ELP3: variants seen among roughly 807,000 people sequenced by gnomAD.
The protein encoded by ELP3 is elongator acetyltransferase complex subunit 3.
A neutral mutation model predicts 74.9 loss-of-function variants in ELP3; 56 were observed. The ratio of observed to expected loss-of-function variants is 0.75; its 90% CI spans 0.60 to 0.93. The LOEUF (loss-of-function observed/expected upper bound fraction) is 0.93. Among genes scored for constraint, ELP3 ranks in the 40% least tolerant of loss-of-function variants. ELP3 has a pLI of 0.00. For missense variants in ELP3, 573 were observed against 686.5 expected, an observed-to-expected ratio of 0.83 and a Z score of 1.85; for synonymous variants, 222 against 239.8, an observed-to-expected ratio of 0.93 and a Z score of 0.68.
chr8:28,122,564 T>A (rs1812415632), intron 7 of ELP3, among the ~76,000 whole-genome samples: 1 of 152,254 alleles, frequency 6.6e-6, no homozygotes, highest in African/African-American at 2.4e-5. Flanking sequence ...TTCATTCATT[T>A]TGTCAAACAT....
At chr8:28,171,165 G>C (rs80059511) in intron 14 of ELP3, among the ~76,000 whole-genome samples, 13,006 of 152,102 alleles carry the variant, frequency 0.086, 1,031 homozygotes, top group East Asian at 0.33. Context: ...ACCTGTTTGA[G>C]TTCTGCTTTC....
intron 14 of ELP3, among the ~76,000 whole-genome samples, chr8:28,174,290 A>G (rs1585747342): frequency 6.6e-6 from 1 of 152,114 alleles, no homozygotes; most frequent in East Asian, 1.9e-4. Context: ...TTAGGTGCAT[A>G]TATGTTGATA....
chr8:28,098,366 T>A (rs1456672131), intron 2 of ELP3, among the ~76,000 whole-genome samples: 1 of 152,226 alleles, frequency 6.6e-6, no homozygotes, highest in East Asian at 1.9e-4. Context: ...TACCCCTTCC[T>A]TGAATCCTCA....
At chr8:28,150,815 G>T (rs1023119469) in intron 10 of ELP3, among the ~76,000 whole-genome samples, 1 of 152,006 alleles carries the variant, frequency 6.6e-6, no homozygotes, top group East Asian at 1.9e-4. Context: ...ATATTATTTT[G>T]TTTCTTCTCT....
chr8:28,142,335 A>C (rs1010435907), intron 10 of ELP3, among the ~76,000 whole-genome samples: 6 of 152,164 alleles, frequency 3.9e-5, no homozygotes, highest in African/African-American at 1.4e-4. Context: ...TATCCTATGG[A>C]GAATTGGCCC....
At chr8:28,126,012 AT>A (rs945039824) in intron 7 of ELP3, among the ~76,000 whole-genome samples, 6 of 151,178 alleles carry the variant, frequency 4.0e-5, no homozygotes, top group African/African-American at 9.7e-5. Flanking sequence ...CAAATTTGTA[AT>A]TTTTTTTTAA....
intron 10 of ELP3, among the ~76,000 whole-genome samples, chr8:28,144,334 G>A (rs957280126): frequency 7.9e-5 from 12 of 152,188 alleles, no homozygotes; most frequent in Non-Finnish European, 1.5e-4. Context: ...ATTCGGCCAG[G>A]CACAGTGGCT....
chr8:28,113,141 A>G lies in ELP3; in HGVS notation c.585A>G (p.Gly195=), dbSNP rs1811987589. Residue 195 remains glycine, a synonymous_variant, in exon 7 of 15, where the codon GGA becomes GGG. Transcript: ENST00000256398. ...FIRNLHDALS[G]HTSNNIYEAV... is the part of the protein sequence containing the mutation. The stretch of plus-strand genomic sequence containing the variant: ...GAAATTTACATGATGCCTTATCAGG[A>G]CATACTTCCAACAATATTTACGAGG... 7 of 1,613,550 alleles carry G rather than the reference A, an allele frequency of 4.3e-6. No homozygotes were observed. In the East Asian group the frequency reaches 1.6e-4, roughly 36 times the overall value.
chr8:28,122,906 C>A (rs1435382548), intron 7 of ELP3, among the ~76,000 whole-genome samples: 1 of 152,174 alleles, frequency 6.6e-6, no homozygotes, highest in African/African-American at 2.4e-5. Flanking sequence ...GGCGGATCAC[C>A]TGAGGTCAGG....
intron 14 of ELP3, among the ~76,000 whole-genome samples, chr8:28,170,653 C>T (rs976224566): frequency 6.6e-6 from 1 of 152,148 alleles, no homozygotes; most frequent in Admixed American, 6.5e-5. Context: ...CCCTTAAATA[C>T]TTATTTTCCC....
intron 11 of ELP3, among the ~76,000 whole-genome samples, chr8:28,156,371 T>C (rs1813829056): frequency 6.6e-6 from 1 of 152,174 alleles, no homozygotes; most frequent in South Asian, 2.1e-4. Context: ...GAAAGTATAA[T>C]CATTTGAAAA....
intron 7 of ELP3, among the ~76,000 whole-genome samples, chr8:28,121,330 T>A (rs1812363020): frequency 1.3e-5 from 2 of 149,574 alleles, no homozygotes; most frequent in African/African-American, 4.9e-5. Flanking sequence ...TATTATTTTT[T>A]TTTTTTTGAA....
chr8:28,122,921 C>T (rs1264589734), intron 7 of ELP3, among the ~76,000 whole-genome samples: 4 of 152,122 alleles, frequency 2.6e-5, no homozygotes, highest in African/African-American at 9.7e-5. Flanking sequence ...GTCAGGAGTT[C>T]GAGACCAGCC....
At position 28,155,936 on chromosome 8, in the gene ELP3, G is replaced by A; in HGVS notation, c.1101-6G>A. 1 of 1,609,814 alleles carries A rather than the reference G, an allele frequency of 6.2e-7. No individual in the cohort carries two copies. The highest frequency in any genetic ancestry group is 2.2e-5 in the East Asian group (1 of 44,852). On this transcript the variant is annotated splice_region_variant and splice_polypyrimidine_tract_variant and intron_variant, in intron 10 of 14. Coordinates refer to ENST00000256398, the MANE Select transcript of ELP3 (RefSeq NM_018091.6). Reference sequence around the variant, plus strand: ...GCAACAGCTTATGTTTTTCTCCTGTGTACAGGGATATTCCAATGCCTTTAG... The same window carrying A: ...GCAACAGCTTATGTTTTTCTCCTGTATACAGGGATATTCCAATGCCTTTAG...
chr8:28,163,162 G>A (rs1465996584), intron 14 of ELP3, among the ~76,000 whole-genome samples: 2 of 152,150 alleles, frequency 1.3e-5, no homozygotes, highest in Non-Finnish European at 2.9e-5. Flanking sequence ...AAAAAATGAC[G>A]TAGACCCCTT....
chr8:28,181,019 C>T (rs560791993), intron 14 of ELP3, among the ~76,000 whole-genome samples: 17 of 152,266 alleles, frequency 1.1e-4, no homozygotes, highest in Middle Eastern at 3.4e-3. Flanking sequence ...ACTGCCCCCA[C>T]GCCCCCAGTA....
At chr8:28,155,399 T>G (rs1813786835) in intron 10 of ELP3, among the ~76,000 whole-genome samples, 1 of 152,224 alleles carries the variant, frequency 6.6e-6, no homozygotes, top group Non-Finnish European at 1.5e-5. Flanking sequence ...CTCCTGTCTT[T>G]AGGCAAGCTG....
At chr8:28,106,276 C>T (rs1295194904) in intron 3 of ELP3, among the ~76,000 whole-genome samples, 1 of 152,104 alleles carries the variant, frequency 6.6e-6, no homozygotes, top group Non-Finnish European at 1.5e-5. Context: ...CGCGGTGGCT[C>T]ACGCCTGTAA....
chr8:28,121,600 G>A (rs200142523), intron 7 of ELP3, among the ~76,000 whole-genome samples: 3 of 152,166 alleles, frequency 2.0e-5, no homozygotes, highest in Admixed American at 2.0e-4. Context: ...GATTACAGGT[G>A]TGAGCCACCA....
Sources: allele counts gnomAD v4.1 joint callset (sites outside exome capture counted in the v4.1 genomes callset), GRCh38; gene constraint gnomAD v4.1.1; transcripts MANE v1.5; gene names NCBI Gene and HGNC (gene_info 2026-07-23, HGNC 2026-07-21).